Variants in CFAP74 observed in about 807,000 individuals in gnomAD.
CFAP74 encodes the protein cilia and flagella associated protein 74, also known as cilia- and flagella-associated protein 74.
Under a neutral mutation model 188.9 loss-of-function variants are expected in CFAP74, and 124 were observed. That is an observed-to-expected ratio of 0.66 (90% CI 0.57 to 0.76). The LOEUF (loss-of-function observed/expected upper bound fraction) is 0.76, where lower values mean the gene tolerates loss of function less well. Among genes scored for constraint, CFAP74 ranks in the 30% least tolerant of loss-of-function variants. The probability of loss-of-function intolerance (pLI) is 0.00; values close to 1 mark genes in which losing one functional copy is unlikely to be tolerated. For synonymous variants in CFAP74, 956 were observed against 916.7 expected (o/e 1.04, Z -0.77); for missense variants, 2,198 against 2,165.2 (o/e 1.02, Z -0.30).
intron 27 of CFAP74, 67 bp from the exon 28 acceptor site, chr1:1,927,813 C>T (rs1316500699): frequency 4.0e-6 from 6 of 1,497,078 alleles, no homozygotes; most frequent in South Asian, 1.3e-5. Context: ...TGCCCCGTGG[C>T]TCCTCTGCGG....
At chr1:1,999,329 C>G (rs1315805624) in intron 1 of CFAP74, among the ~76,000 whole-genome samples, 1 of 152,080 alleles carries the variant, frequency 6.6e-6, no homozygotes, top group Non-Finnish European at 1.5e-5. Flanking sequence ...TTTGTCGGCA[C>G]CCACCCAAAG....
At chr1:1,972,129 G>A (rs1285379081) in intron 8 of CFAP74, 47 bp from the exon 9 acceptor site, 3 of 1,398,444 alleles carry the variant, frequency 2.1e-6, no homozygotes, top group Non-Finnish European at 3.0e-6. Context: ...CGCCCAGGCT[G>A]GTGTGCAGTG....
intron 18 of CFAP74, among the ~76,000 whole-genome samples, chr1:1,950,951 T>C (rs1056427932): frequency 1.3e-5 from 2 of 152,224 alleles, no homozygotes; most frequent in African/African-American, 4.8e-5. Context: ...GCTTAACTTT[T>C]AGGTACATCA....
intron 1 of CFAP74, among the ~76,000 whole-genome samples, chr1:1,994,073 G>C (rs983980068): frequency 1.3e-5 from 2 of 151,838 alleles, no homozygotes; most frequent in Admixed American, 1.3e-4. Context: ...GCTGCGGTGG[G>C]AGGATCACTT....
At position 1,973,975 on chromosome 1, in the gene CFAP74, C is replaced by T. The variant is rs1558046685; in HGVS notation, c.674+50G>A. 1.4e-6 allele frequency: 2 copies of T among 1,465,734 alleles called. No individual in the cohort carries two copies. Among genetic ancestry groups the T allele is most frequent in the Non-Finnish European group, 1.8e-6 (2 of 1,100,418 alleles). The allele number at this position is 1,465,734 out of a possible 1,614,324, so 90.8% of individuals were successfully genotyped here. ...ACCCCTGGGGGAGAGGGCGGAGGGGCTGGCAGAAGCTGCTGGGAAGGGATG... is the reference window on the plus strand; with the variant it reads ...ACCCCTGGGGGAGAGGGCGGAGGGGTTGGCAGAAGCTGCTGGGAAGGGATG... On this transcript the variant is annotated intron_variant, in intron 7 of 38. Coordinates refer to ENST00000682832, the MANE Select transcript of CFAP74 (RefSeq NM_001304360.2). This position sits in a 1 kb window ranked among gnomAD's most constrained non-coding sequence, Gnocchi z 6.2.
intron 11 of CFAP74, 35 bp from the exon 12 acceptor site, chr1:1,966,561 C>T (rs1426302752): frequency 1.3e-5 from 19 of 1,477,134 alleles, no homozygotes; most frequent in Middle Eastern, 2.4e-4. Flanking sequence ...CAAAGACACG[C>T]TCATGACAGA....
intron 8 of CFAP74, among the ~76,000 whole-genome samples, chr1:1,972,520 T>C (rs1351955463): frequency 6.6e-6 from 1 of 152,194 alleles, no homozygotes; most frequent in East Asian, 1.9e-4. Context: ...TACACACTTA[T>C]TGGTTTTTGA....
At chr1:1,949,832 G>A (rs905672736) in intron 18 of CFAP74, among the ~76,000 whole-genome samples, 1 of 152,054 alleles carries the variant, frequency 6.6e-6, no homozygotes, top group African/African-American at 2.4e-5. Flanking sequence ...ACTGGTCCAC[G>A]GCACTGCCTC....
chr1:1,927,628 C>G lies in CFAP74; in HGVS notation c.3506G>C (p.Arg1169Pro). 2 of 1,549,998 alleles carry G rather than the reference C, an allele frequency of 1.3e-6. No individual in the cohort carries two copies. The highest frequency in any genetic ancestry group is 1.7e-6 in the Non-Finnish European group (2 of 1,146,788). Residue 1169 changes from arginine (R) to proline (P), a missense_variant, in exon 28 of 39, where the codon CGG becomes CCG. By Grantham distance (103) the Arg-to-Pro change is moderately radical (BLOSUM62 -2). Coordinates refer to ENST00000682832, the MANE Select transcript of CFAP74 (RefSeq NM_001304360.2). ...CCACCTGGGCCTCAGCTCCCGCTTC[C>G]GCATCTCCAGGACGTGGGGGACAGA... ...KVSVPHVLEMRKRELRPSSDE... is the reference protein window; with the variant it reads ...KVSVPHVLEMPKRELRPSSDE...
Position 1,923,742 on chromosome 1 carries a change from G to A in CFAP74, c.4389+33C>T. 1 of 1,612,854 alleles carries A rather than the reference G, an allele frequency of 6.2e-7. No individual in the cohort carries two copies. Among genetic ancestry groups the A allele is most frequent in the Non-Finnish European group, 8.5e-7 (1 of 1,179,774 alleles). On this transcript the variant is annotated intron_variant, in intron 35 of 38. Coordinates refer to ENST00000682832, the MANE Select transcript of CFAP74 (RefSeq NM_001304360.2). The surrounding 1 kb of genome is among the most constrained non-coding windows in gnomAD (Gnocchi z 6.3). Reference sequence around the variant, plus strand: ...AAGGCCCTGCGTGGGGCCAGGGCCGGGCCGGGCTGAGCTTGCAGAGCCAGA... The same window carrying A: ...AAGGCCCTGCGTGGGGCCAGGGCCGAGCCGGGCTGAGCTTGCAGAGCCAGA...
chr1:1,942,592 G>A lies in CFAP74; in HGVS notation c.2487-436C>T, dbSNP rs913846238. The stretch of plus-strand genomic sequence containing the variant: ...ACAGGGCACGTGGGGGGCCTGGGAC[G>A]GCCACAGGCCTCGGTTATGACAGCA... On this transcript the variant is annotated intron_variant, in intron 21 of 38. Coordinates refer to ENST00000682832, the MANE Select transcript of CFAP74 (RefSeq NM_001304360.2). The surrounding 1 kb of genome is among the most constrained non-coding windows in gnomAD (Gnocchi z 4.3). Among the ~76,000 whole-genome samples, 23 of 152,094 alleles carry A rather than the reference G, an allele frequency of 1.5e-4. No homozygotes were observed. Among genetic ancestry groups the A allele is most frequent in the African/African-American group, 4.3e-4 (18 of 41,440 alleles).
intron 2 of CFAP74, 104 bp from the exon 3 acceptor site, chr1:1,989,077 G>A (rs1296223308): frequency 2.4e-5 from 13 of 534,504 alleles, no homozygotes; most frequent in Non-Finnish European, 4.3e-5. Context: ...AGGGTGTAAG[G>A]AACCTGCTGC....
intron 20 of CFAP74, among the ~76,000 whole-genome samples, chr1:1,945,198 G>A (rs531032217): frequency 2.6e-5 from 4 of 151,960 alleles, no homozygotes; most frequent in Non-Finnish European, 5.9e-5. Flanking sequence ...TCCCAGCTAC[G>A]TGGGAGGCTG....
Position 1,970,675 on chromosome 1 carries a change from G to A in CFAP74, c.1030C>T (p.Leu344=). 1 of 1,610,446 alleles carries A rather than the reference G, an allele frequency of 6.2e-7. No individual in the cohort carries two copies. Among genetic ancestry groups the A allele is most frequent in the Non-Finnish European group, 8.5e-7 (1 of 1,178,506 alleles). Reference sequence around the variant, plus strand: ...CACCCTCACCTCTTCTGGGCCTCCAGCTCCTGGCGCCGGCGCTGGTGGACA... The same window carrying A: ...CACCCTCACCTCTTCTGGGCCTCCAACTCCTGGCGCCGGCGCTGGTGGACA... ...HLVHQRRRQE[L]EAQKRAFEEE... The change falls in exon 10 of 39, where the codon CTG becomes TTG. Residue 344 remains leucine, a synonymous_variant. Transcript: ENST00000682832.
At chr1:1,989,625 T>TA (rs754937023) in intron 2 of CFAP74, among the ~76,000 whole-genome samples, 3 of 152,184 alleles carry the variant, frequency 2.0e-5, no homozygotes, top group East Asian at 3.8e-4. Context: ...CATGCCCAGC[T>TA]AATTTTTATA....
intron 25 of CFAP74, among the ~76,000 whole-genome samples, chr1:1,938,622 GAC>G (rs961425772): frequency 2.6e-5 from 4 of 152,070 alleles, no homozygotes; most frequent in South Asian, 4.1e-4. Flanking sequence ...ACACACCCAC[GAC>G]ACACACAAAC....
At chr1:1,934,807 GTA>G in intron 25 of CFAP74, among the ~76,000 whole-genome samples, 1 of 40,182 alleles carries the variant, frequency 2.5e-5, no homozygotes, top group East Asian at 1.3e-3. Context: ...ACACACGTGT[GTA>G]TGTGGGTGTT....
chr1:1,932,473 G>A (rs973257038), intron 25 of CFAP74, among the ~76,000 whole-genome samples: 1 of 151,828 alleles, frequency 6.6e-6, no homozygotes, highest in African/African-American at 2.4e-5. Context: ...GGACTCAAGT[G>A]ATCCTCCTGT....
At chr1:1,951,902 C>A (rs562576809) in intron 18 of CFAP74, among the ~76,000 whole-genome samples, 1 of 152,302 alleles carries the variant, frequency 6.6e-6, no homozygotes, top group African/African-American at 2.4e-5. Context: ...CCGCCTCATG[C>A]AGACTGCAGA....
Sources: gnomAD v4.1 joint callset for allele counts (sites outside exome capture counted in the v4.1 genomes callset) on GRCh38, gnomAD v4.1.1 for gene constraint, Gnocchi (gnomAD v3.1) non-coding constraint, MANE v1.5 for transcripts, NCBI Gene and HGNC (gene_info 2026-07-23, HGNC 2026-07-21) for gene names.